Variants in CREB5 observed in about 807,000 individuals in gnomAD.
The protein encoded by CREB5 is cAMP responsive element binding protein 5, also known as cyclic AMP-responsive element-binding protein 5.
In CREB5, 19 loss-of-function variants were observed where a neutral mutation model predicts 57.1. The ratio of observed to expected loss-of-function variants is 0.33; its 90% CI spans 0.23 to 0.49. CREB5 has a LOEUF of 0.49. Among genes scored for constraint, CREB5 ranks in the 20% least tolerant of loss-of-function variants. The pLI, the probability that CREB5 is intolerant of heterozygous loss-of-function variation, is 0.99. For missense variants in CREB5, 579 were observed against 671.6 expected (o/e 0.86, Z 1.52); for synonymous variants, 238 against 238.3 (o/e 1.00, Z 0.01).
intron 8 of CREB5, among the ~76,000 whole-genome samples, chr7:28,805,847 T>A (rs1011418277): frequency 6.6e-5 from 10 of 152,086 alleles, no homozygotes; most frequent in African/African-American, 2.4e-4. Context: ...CTCTTATGAG[T>A]ATTAAATAAG....
intron 5 of CREB5, among the ~76,000 whole-genome samples, chr7:28,601,284 C>G (rs1796910476): frequency 6.6e-6 from 1 of 151,432 alleles, no homozygotes; most frequent in Non-Finnish European, 1.5e-5. Context: ...TAACGAGAAG[C>G]AAAAATCCAT....
At chr7:28,381,839 T>C (rs929148377) in intron 1 of CREB5, among the ~76,000 whole-genome samples, 11 of 152,210 alleles carry the variant, frequency 7.2e-5, no homozygotes, top group African/African-American at 2.7e-4. Flanking sequence ...CATTGTGTTT[T>C]AGTCAGTGAT....
At chr7:28,392,479 C>T (rs955479775) in intron 1 of CREB5, among the ~76,000 whole-genome samples, 15 of 151,922 alleles carry the variant, frequency 9.9e-5, no homozygotes, top group South Asian at 4.2e-4. Context: ...TGGCAAAAAC[C>T]GCAATTACTT....
intron 4 of CREB5, among the ~76,000 whole-genome samples, chr7:28,514,527 C>G (rs1792857132): frequency 1.3e-5 from 2 of 152,248 alleles, no homozygotes; most frequent in African/African-American, 2.4e-5. Context: ...TCCAGAGTAG[C>G]TGGGACTACA....
chr7:28,364,346 T>C (rs1786546952), intron 1 of CREB5, among the ~76,000 whole-genome samples: 1 of 152,236 alleles, frequency 6.6e-6, no homozygotes, highest in Admixed American at 6.5e-5. Context: ...AGGAAAGTTA[T>C]GAAGAGACAG....
intron 7 of CREB5, among the ~76,000 whole-genome samples, chr7:28,792,538 G>C (rs914297737): frequency 3.3e-5 from 5 of 152,122 alleles, no homozygotes; most frequent in Non-Finnish European, 5.9e-5. Flanking sequence ...TCATCTTCTT[G>C]GGCATAATTC....
At chr7:28,467,792 A>G (rs1053643987) in intron 1 of CREB5, among the ~76,000 whole-genome samples, 2 of 152,182 alleles carry the variant, frequency 1.3e-5, no homozygotes, top group African/African-American at 4.8e-5. Flanking sequence ...GGTGGAGCTA[A>G]TGGGAGAGTA....
chr7:28,612,867 T>A (rs1797448805), intron 5 of CREB5, among the ~76,000 whole-genome samples: 1 of 152,272 alleles, frequency 6.6e-6, no homozygotes, highest in East Asian at 1.9e-4. Context: ...AAGAGTATAA[T>A]GTTTCACATA....
intron 4 of CREB5, among the ~76,000 whole-genome samples, chr7:28,544,519 A>G (rs749376060): frequency 1.8e-4 from 28 of 152,224 alleles, no homozygotes; most frequent in Admixed American, 8.5e-4. Context: ...TATGTGCTCC[A>G]TAAAACACAG....
chr7:28,495,077 C>T (rs552899578), intron 3 of CREB5, 78 bp downstream of exon 3: 75 of 930,686 alleles, frequency 8.1e-5, no homozygotes, highest in African/African-American at 7.5e-4. Flanking sequence ...TTTTGGTAGG[C>T]GAGTCCCACT....
chr7:28,415,256 G>C (rs75310894), intron 1 of CREB5, among the ~76,000 whole-genome samples: 3,944 of 152,206 alleles, frequency 0.026, 135 homozygotes, highest in African/African-American at 0.083. Flanking sequence ...GGTAGGGCTA[G>C]GGGAGGGCCT....
intron 1 of CREB5, among the ~76,000 whole-genome samples, chr7:28,377,847 G>A (rs1341136271): frequency 6.7e-6 from 1 of 149,980 alleles, no homozygotes; most frequent in Non-Finnish European, 1.5e-5. Context: ...CAGGAGAAAG[G>A]CGTGAACCCG....
intron 5 of CREB5, among the ~76,000 whole-genome samples, chr7:28,585,217 A>G (rs761663081): frequency 2.0e-5 from 3 of 152,252 alleles, no homozygotes; most frequent in African/African-American, 7.2e-5. Context: ...GAAGATCAGC[A>G]TTGTAGAGAG....
Position 28,824,892 on chromosome 7 carries a change from A to G in CREB5, c.*5613A>G, listed in dbSNP as rs1422486129. ...CCAACTTGTCATCAGAAAGGAATCA[A>G]TAATTACCAACTGTTGTATTTAGAC... On this transcript the variant is annotated 3_prime_UTR_variant, in exon 11 of 11. Coordinates refer to ENST00000357727, the MANE Select transcript of CREB5 (RefSeq NM_182898.4). The G allele has an allele frequency of 2.6e-5, 4 of 152,660 alleles. No homozygotes were observed. The highest frequency in any genetic ancestry group is 9.6e-5 in the African/African-American group (4 of 41,456). 9.5% of individuals were successfully genotyped at this position (152,660 alleles called of 1,614,324 possible).
intron 7 of CREB5, among the ~76,000 whole-genome samples, chr7:28,735,024 A>G (rs547456301): frequency 1.2e-4 from 18 of 152,226 alleles, no homozygotes; most frequent in African/African-American, 4.3e-4. Context: ...TTACTAATTA[A>G]CCAGCTTCAC....
chr7:28,613,700 G>A (rs544351451), intron 5 of CREB5, among the ~76,000 whole-genome samples: 5 of 152,204 alleles, frequency 3.3e-5, no homozygotes, highest in Admixed American at 6.5e-5. Flanking sequence ...ACCAGATCTC[G>A]CCAACAAACT....
rs771303516 is a variant in CREB5, at chr7:28,698,371, A to AAC, written c.465-20382_465-20381insAC. Among the ~76,000 whole-genome samples the AAC allele has an allele frequency of 1.3e-3, 191 of 143,896 alleles. 4 individuals are homozygous for AAC. Among genetic ancestry groups the AAC allele is most frequent in the African/African-American group, 2.0e-3 (78 of 39,238 alleles). The allele number at this position is 143,896 out of a possible 152,430, so 94.4% of individuals were successfully genotyped here. A position where few individuals can be genotyped will look rare whatever the true frequency, so the allele number is the denominator to read the frequency against. On this transcript the variant is annotated intron_variant, in intron 5 of 10. Coordinates refer to ENST00000357727, the MANE Select transcript of CREB5 (RefSeq NM_182898.4). Reference sequence around the variant, plus strand: ...CTCCCCACCAAAAAAAAAAAAAAAAACACACTCACAGGGCTAAGAGAACTT... The same window carrying AAC: ...CTCCCCACCAAAAAAAAAAAAAAAAAACCACACTCACAGGGCTAAGAGAACTT...
Position 28,820,273 on chromosome 7 carries a change from A to G in CREB5, c.*994A>G, listed in dbSNP as rs953609341. 8 of 152,632 alleles carry G rather than the reference A, an allele frequency of 5.2e-5. No homozygotes were observed. The highest frequency in any genetic ancestry group is 1.7e-4 in the African/African-American group (7 of 41,450). 9.5% of individuals were successfully genotyped at this position (152,632 alleles called of 1,614,324 possible). A position where few individuals can be genotyped will look rare whatever the true frequency, so the allele number is the denominator to read the frequency against. On this transcript the variant is annotated 3_prime_UTR_variant, in exon 11 of 11. Transcript: ENST00000357727. Reference sequence around the variant, plus strand: ...CCAAATTTTGATGTGGGGCTATAACATGACACCCTTGGATTGCGACTGGTT... The same window carrying G: ...CCAAATTTTGATGTGGGGCTATAACGTGACACCCTTGGATTGCGACTGGTT...
intron 5 of CREB5, among the ~76,000 whole-genome samples, chr7:28,616,331 A>G (rs1797595494): frequency 6.6e-6 from 1 of 152,148 alleles, no homozygotes; most frequent in East Asian, 1.9e-4. Flanking sequence ...TGATTCTGTC[A>G]TTCATTCTTT....
Sources: allele counts gnomAD v4.1 joint callset (sites outside exome capture counted in the v4.1 genomes callset), GRCh38; gene constraint gnomAD v4.1.1; transcripts MANE v1.5; gene names NCBI Gene and HGNC (gene_info 2026-07-23, HGNC 2026-07-21).